Variants in CDH3 observed in about 807,000 individuals in gnomAD.
The protein encoded by CDH3 is cadherin-3.
CDH3 carries 54 observed loss-of-function variants against 82.0 expected under a neutral mutation model. The observed-to-expected ratio is 0.66, with a 90% CI of 0.53 to 0.83. The LOEUF is 0.83. Among genes scored for constraint, CDH3 ranks in the 40% least tolerant of loss-of-function variants. The probability of loss-of-function intolerance (pLI) is 0.00; values close to 1 mark genes in which losing one functional copy is unlikely to be tolerated. For synonymous variants in CDH3, 446 were observed against 437.9 expected (o/e 1.02, Z -0.23); for missense variants, 1,054 against 1,084.6 (o/e 0.97, Z 0.40).
chr16:68,722,854 C>T lies in CDH3; in HGVS notation c.*45+238C>T, dbSNP rs373887820. On this transcript the variant is annotated intron_variant, in intron 2 of 2. Transcript: ENST00000569080. The stretch of plus-strand genomic sequence containing the variant: ...CTCAGGCTGGAGTGGAATGGAATGG[C>T]GTGATCTCGGCTCACTGCAATCTCT... Among the ~76,000 whole-genome samples the T allele has an allele frequency of 1.2e-4, 18 of 151,962 alleles. No individual in the cohort carries two copies. The East Asian group carries it at 2.3e-3, about 20-fold the overall frequency.
At chr16:68,680,164 A>G (rs917152886) in intron 7 of CDH3, among the ~76,000 whole-genome samples, 190 bp downstream of exon 7, 1 of 152,246 alleles carries the variant, frequency 6.6e-6, no homozygotes, top group African/African-American at 2.4e-5. Flanking sequence ...GCCCGCTGCC[A>G]GCCAATCTCG....
At chr16:68,723,644 AATGAG>A (rs1962187257) in intron 2 of CDH3, among the ~76,000 whole-genome samples, 2 of 152,202 alleles carry the variant, frequency 1.3e-5, no homozygotes, top group African/African-American at 4.8e-5. Flanking sequence ...TTCGTAAATA[AATGAG>A]GCCAGACACG....
At chr16:68,694,312 CAAA>C (rs1162877121) in intron 13 of CDH3, among the ~76,000 whole-genome samples, 9 of 74,692 alleles carry the variant, frequency 1.2e-4, no homozygotes, top group East Asian at 3.8e-4. Flanking sequence ...GACTCCCTCT[CAAA>C]AAAAAAAAAA....
chr16:68,648,054 C>T (rs1036286454), intron 2 of CDH3, among the ~76,000 whole-genome samples: 3 of 152,198 alleles, frequency 2.0e-5, no homozygotes, highest in Non-Finnish European at 2.9e-5. Flanking sequence ...CTTGCTTTAT[C>T]CTCCTAACAT....
chr16:68,715,775 C>T (rs1962088756), intron 1 of CDH3, among the ~76,000 whole-genome samples: 1 of 152,204 alleles, frequency 6.6e-6, no homozygotes, highest in South Asian at 2.1e-4. Flanking sequence ...AAACAAAAGA[C>T]CTCACAGTAC....
Position 68,691,771 on chromosome 16 carries a change from A to G in CDH3, c.1847A>G (p.Asp616Gly). The change falls in exon 13 of 16, where the codon GAC becomes GGC. Residue 616 changes from aspartate to glycine, a missense_variant. Asp to Gly is a moderately conservative substitution (Grantham distance 94, BLOSUM62 -1). Transcript: ENST00000264012. ...AAGTTCCTGAAGCAGGATACATATG[A>G]CGTGCACCTTTCTCTGTCTGACCAT... is the stretch of plus-strand genomic sequence containing the variant. ...LKKFLKQDTY[D>G]VHLSLSDHGN... 8 of 1,614,158 alleles carry G rather than the reference A, an allele frequency of 5.0e-6. No individual in the cohort carries two copies. The highest frequency in any genetic ancestry group is 6.8e-6 in the Non-Finnish European group (8 of 1,180,034).
At chr16:68,720,641 AGT>A (rs1179010759) in intron 1 of CDH3, among the ~76,000 whole-genome samples, 1 of 145,624 alleles carries the variant, frequency 6.9e-6, no homozygotes, top group East Asian at 2.0e-4. Context: ...TTTGAGATGG[AGT>A]CTCGCTCTGT....
At chr16:68,676,237 C>CT in intron 2 of CDH3, 148 bp from the exon 3 acceptor site, 1 of 699,666 alleles carries the variant, frequency 1.4e-6, no homozygotes, top group Non-Finnish European at 2.6e-6. Flanking sequence ...AGTCACACTC[C>CT]TGGTCAGAGA....
At chr16:68,654,470 A>G (rs1236363248) in intron 2 of CDH3, among the ~76,000 whole-genome samples, 1 of 112,674 alleles carries the variant, frequency 8.9e-6, no homozygotes, top group African/African-American at 3.5e-5. Flanking sequence ...TGGGAGGCCG[A>G]GGCAGGCGGA....
rs1310125398 is a variant in CDH3, at chr16:68,726,788, C to T, written c.*46-365C>T. Among the ~76,000 whole-genome samples the T allele has an allele frequency of 1.3e-5, 2 of 152,034 alleles. 1 individual carries two copies. Among genetic ancestry groups the T allele is most frequent in the Admixed American group, 1.3e-4 (2 of 15,232 alleles). On this transcript the variant is annotated intron_variant, in intron 2 of 2. Transcript: ENST00000569080. ...TAGAGACGGGGTATCACCAGGTTAG[C>T]CAGGATGGTCTCGATCTCCTGACCT...
Position 68,684,636 on chromosome 16 carries a change from C to CG in CDH3, c.1237dup (p.Glu413GlyfsTer24). 6.2e-7 allele frequency: 1 copy of CG among 1,614,192 alleles called. No individual in the cohort carries two copies. ...ACACCCTGTACGTTGAAGTGACCAACGAGGCCCCTTTTGTGCTGAAGCTCC... is the reference window on the plus strand; with the variant it reads ...ACACCCTGTACGTTGAAGTGACCAACGGAGGCCCCTTTTGTGCTGAAGCTCC... On this transcript the variant is annotated frameshift_variant, in exon 10 of 16. Transcript: ENST00000264012. LOFTEE classifies it high-confidence loss of function.
intron 2 of CDH3, among the ~76,000 whole-genome samples, chr16:68,726,853 A>G (rs907019003): frequency 2.6e-5 from 4 of 152,176 alleles, no homozygotes; most frequent in African/African-American, 7.2e-5. Flanking sequence ...TGCTGGGATT[A>G]CAGGCATGAG....
intron 1 of CDH3, among the ~76,000 whole-genome samples, chr16:68,711,228 T>C (rs1962026247): frequency 6.6e-6 from 1 of 151,372 alleles, no homozygotes; most frequent in South Asian, 2.1e-4. Flanking sequence ...GAGAATCGCT[T>C]GAACCCAGAA....
Position 68,710,125 on chromosome 16 carries a change from G to A in CDH3, c.100-12300G>A, listed in dbSNP as rs181657903. Among the ~76,000 whole-genome samples, 513 of 152,330 alleles carry A rather than the reference G, an allele frequency of 3.4e-3. 6 individuals are homozygous for A. Among genetic ancestry groups the A allele is most frequent in the African/African-American group, 0.012 (488 of 41,572 alleles). ...CACAGGAGATGGGGCGGGAAGGAGG[G>A]GAAGTGGCAGTATCCCTCCGCCTGC... On this transcript the variant is annotated intron_variant, in intron 1 of 2. Transcript: ENST00000569080.
chr16:68,732,265 C>G (rs1962300722), downstream of CDH3, among the ~76,000 whole-genome samples: 1 of 152,172 alleles, frequency 6.6e-6, no homozygotes, highest in Admixed American at 6.5e-5. Flanking sequence ...ATTCCAGTTT[C>G]TCTGGGGATT....
rs1176885599 is a variant in CDH3 at position 68,654,128 on chromosome 16, C to T, written c.160+8378C>T. 2.0e-5 allele frequency among the ~76,000 whole-genome samples: 3 copies of T among 148,858 alleles called. No homozygotes were observed. The East Asian group carries it at 6.0e-4, about 30-fold the overall frequency. The stretch of plus-strand genomic sequence containing the variant: ...AGGCTAGGGTGCAGTGGCACAATCT[C>T]GGCTCATTGTAAACTCCGCCTCCCG... On this transcript the variant is annotated intron_variant, in intron 2 of 15. Coordinates refer to ENST00000264012, the MANE Select transcript of CDH3 (RefSeq NM_001793.6).
chr16:68,691,769 T>G lies in CDH3; in HGVS notation c.1845T>G (p.Tyr615Ter). Reference sequence around the variant, plus strand: ...AGAAGTTCCTGAAGCAGGATACATATGACGTGCACCTTTCTCTGTCTGACC... The same window carrying G: ...AGAAGTTCCTGAAGCAGGATACATAGGACGTGCACCTTTCTCTGTCTGACC... ...SLKKFLKQDT[Y>*]DVHLSLSDHG... The change falls in exon 13 of 16, where the codon TAT becomes TAG. Residue 615 changes from tyrosine to a stop codon, truncating the protein, a stop_gained. Transcript: ENST00000264012. LOFTEE classifies it high-confidence loss of function. 1 of 1,614,166 alleles carries G rather than the reference T, an allele frequency of 6.2e-7. No homozygotes were observed. The highest frequency in any genetic ancestry group is 8.5e-7 in the Non-Finnish European group (1 of 1,180,038).
chr16:68,683,981 C>T (rs537975487), intron 9 of CDH3, among the ~76,000 whole-genome samples: 1 of 149,940 alleles, frequency 6.7e-6, no homozygotes, highest in East Asian at 2.0e-4. Flanking sequence ...GCAGGAGAAT[C>T]GCTTGATCTC....
chr16:68,695,934 G>A lies in CDH3; in HGVS notation c.2280+11G>A. The A allele has an allele frequency of 6.2e-7, 1 of 1,613,874 alleles. No individual in the cohort carries two copies. The highest frequency in any genetic ancestry group is 2.2e-5 in the East Asian group (1 of 44,876). On this transcript the variant is annotated intron_variant, in intron 15 of 15. Transcript: ENST00000264012. ...AACTTTATAATTGAGGTGAGGCGTG[G>A]CAGGCCAGTCGAGGGCCACCCTTTA...
Sources: allele counts gnomAD v4.1 joint callset (sites outside exome capture counted in the v4.1 genomes callset), GRCh38; gene constraint gnomAD v4.1.1; transcripts MANE v1.5; gene names NCBI Gene and HGNC (gene_info 2026-07-23, HGNC 2026-07-21).